LEPR: variants seen among roughly 807,000 people sequenced by gnomAD.
LEPR encodes the protein OB receptor.
In LEPR, 56 loss-of-function variants were observed where a neutral mutation model predicts 114.7. That is an observed-to-expected ratio of 0.49 (90% CI 0.39 to 0.61). The LOEUF (loss-of-function observed/expected upper bound fraction) is 0.61. LEPR is among the 20% of genes least tolerant of loss of function. The pLI, the probability that LEPR is intolerant of heterozygous loss-of-function variation, is 0.00. For synonymous variants in LEPR, 443 were observed against 461.4 expected (o/e 0.96, Z 0.51); for missense variants, 1,202 against 1,352.9 (o/e 0.89, Z 1.75).
At chr1:65,626,086 G>C (rs766235086) in intron 19 of LEPR, 7 of 1,598,302 alleles carry the variant, frequency 4.4e-6, no homozygotes, top group Non-Finnish European at 6.0e-6. Context: ...GCAAAATGCA[G>C]TTTAAACCTG....
At chr1:65,504,518 T>C (rs550541184) in intron 2 of LEPR, among the ~76,000 whole-genome samples, 5 of 152,306 alleles carry the variant, frequency 3.3e-5, no homozygotes, top group Admixed American at 1.3e-4. Flanking sequence ...AACATCACAC[T>C]GCAATCCTGA....
At chr1:65,531,780 C>T (rs1297719097) in intron 2 of LEPR, among the ~76,000 whole-genome samples, 1 of 152,148 alleles carries the variant, frequency 6.6e-6, no homozygotes, top group Non-Finnish European at 1.5e-5. Context: ...CTTCTTCCCT[C>T]ACCCATCACT....
intron 5 of LEPR, chr1:65,576,290 C>T (rs1320280145): frequency 1.3e-5 from 2 of 153,200 alleles, no homozygotes; most frequent in African/African-American, 4.9e-5. Flanking sequence ...CCATGGCACT[C>T]CACGAGTTGT....
Position 65,610,226 on chromosome 1 carries a change from G to T in LEPR, c.1925G>T (p.Gly642Val). ...TGTCATTTTGCAGTTCCTATGAGAG[G>T]ACCTGAATTTTGGAGAATAATTAAT... is the stretch of plus-strand genomic sequence containing the variant. ...VVMDIKVPMR[G>V]PEFWRIINGD... The change falls in exon 14 of 20, where the codon GGA becomes GTA. Residue 642 changes from glycine to valine, a missense_variant. Coordinates refer to ENST00000349533, the MANE Select transcript of LEPR (RefSeq NM_002303.6). 6.2e-7 allele frequency: 1 copy of T among 1,613,934 alleles called. No homozygotes were observed. Among genetic ancestry groups the T allele is most frequent in the African/African-American group, 1.3e-5 (1 of 75,006 alleles).
chr1:65,611,704 A>G (rs911997328), intron 14 of LEPR, among the ~76,000 whole-genome samples: 2 of 152,174 alleles, frequency 1.3e-5, no homozygotes, highest in African/African-American at 4.8e-5. Flanking sequence ...TGGATTCCAC[A>G]TTTCCTCAGC....
intron 2 of LEPR, chr1:65,433,193 C>G (rs1646512143): frequency 1.0e-6 from 1 of 985,308 alleles, no homozygotes. Context: ...CTCAACAGTT[C>G]TGGTTTGCCC....
intron 8 of LEPR, 100 bp downstream of exon 8, chr1:65,598,904 AAGG>A: frequency 6.5e-7 from 1 of 1,545,774 alleles, no homozygotes; most frequent in South Asian, 1.2e-5. Flanking sequence ...CTTAAAATGA[AAGG>A]AGGAACACAG....
intron 2 of LEPR, among the ~76,000 whole-genome samples, chr1:65,427,043 G>A (rs1049573961): frequency 1.3e-5 from 2 of 151,866 alleles, no homozygotes; most frequent in Admixed American, 6.5e-5. Context: ...ACCTATTGAA[G>A]TGAGTTATTA....
intron 19 of LEPR, chr1:65,634,766 G>T (rs1658656224): frequency 1.1e-6 from 1 of 918,560 alleles, no homozygotes; most frequent in Non-Finnish European, 1.3e-6. Context: ...TTAATATGTA[G>T]GTTCATTTAA....
rs1187502644 is a variant in LEPR, at chr1:65,558,526, G to GTTTTT, written c.-20-7013_-20-7009dup. Reference sequence around the variant, plus strand: ...GTTTTTTTTTTTTTTTGAATCAGAAGTTTTTTTTTTTGTTTTTTTTTTGTT... The same window carrying GTTTTT: ...GTTTTTTTTTTTTTTTGAATCAGAAGTTTTTTTTTTTTTTTTGTTTTTTTTTTGTT... On this transcript the variant is annotated intron_variant, in intron 2 of 19. Transcript: ENST00000349533. 1.2e-3 allele frequency among the ~76,000 whole-genome samples: 9 copies of GTTTTT among 7,750 alleles called. 1 individual carries two copies. Among genetic ancestry groups the GTTTTT allele is most frequent in the South Asian group, 0.015 (2 of 130 alleles). 5.1% of individuals were successfully genotyped at this position (7,750 alleles called of 152,430 possible). A position where few individuals can be genotyped will look rare whatever the true frequency, so the allele number is the denominator to read the frequency against.
intron 2 of LEPR, among the ~76,000 whole-genome samples, chr1:65,536,631 C>T (rs1224076587): frequency 6.6e-6 from 1 of 151,920 alleles, no homozygotes; most frequent in African/African-American, 2.4e-5. Context: ...ATGCCATTCT[C>T]ATAAGGAAAG....
At position 65,440,359 on chromosome 1, in the gene LEPR, C is replaced by CTTT. The variant is rs538956174; in HGVS notation, c.-21+14992_-21+14994dup. ...AAACCCCCAGCCCCCATGGTGCTTA[C>CTTT]TTTTTTTTTTTTTGGTAGGGAAGCA... is the stretch of plus-strand genomic sequence containing the variant. On this transcript the variant is annotated intron_variant, in intron 2 of 19. Transcript: ENST00000349533. Among the ~76,000 whole-genome samples the CTTT allele has an allele frequency of 4.9e-5, 7 of 142,596 alleles. 1 individual carries two copies. Among genetic ancestry groups the CTTT allele is most frequent in the African/African-American group, 5.1e-5 (2 of 39,120 alleles). The allele number at this position is 142,596 out of a possible 152,430, so 93.5% of individuals were successfully genotyped here. A position where few individuals can be genotyped will look rare whatever the true frequency, so the allele number is the denominator to read the frequency against.
chr1:65,536,251 C>G (rs907059611), intron 2 of LEPR, among the ~76,000 whole-genome samples: 3 of 152,028 alleles, frequency 2.0e-5, no homozygotes, highest in Non-Finnish European at 2.9e-5. Flanking sequence ...GCTTGTCCCT[C>G]CTCTCTCTTG....
intron 2 of LEPR, among the ~76,000 whole-genome samples, chr1:65,478,671 A>G (rs1263014302): frequency 6.6e-6 from 1 of 152,238 alleles, no homozygotes; most frequent in Non-Finnish European, 1.5e-5. Flanking sequence ...AAAACAGCTC[A>G]GTTGTATGGA....
chr1:65,570,368 T>A (rs1473452560), intron 3 of LEPR, 105 bp from the exon 4 acceptor site: 22 of 1,117,890 alleles, frequency 2.0e-5, no homozygotes, highest in Non-Finnish European at 2.8e-5. Flanking sequence ...ACTTAGAAAG[T>A]TAAATAATTA....
chr1:65,626,717 A>G lies in LEPR; in HGVS notation c.2673+3736A>G, dbSNP rs566137257. Among the ~76,000 whole-genome samples the G allele has an allele frequency of 3.3e-5, 5 of 152,234 alleles. No homozygotes were observed. In the South Asian group the frequency reaches 8.3e-4, roughly 25 times the overall value. ...GAGCGCAGCGGTGAGATCTCAGCTC[A>G]CTGCAGCCTCGACGTCCTTGGGCTC... On this transcript the variant is annotated intron_variant, in intron 19 of 19. Transcript: ENST00000349533.
chr1:65,543,661 G>T (rs1651412612), intron 2 of LEPR, among the ~76,000 whole-genome samples: 1 of 151,892 alleles, frequency 6.6e-6, no homozygotes, highest in East Asian at 1.9e-4. Context: ...TGTAAAGAAG[G>T]GGTCCAGTCT....
chr1:65,458,024 A>G lies in LEPR; in HGVS notation c.-21+32646A>G, dbSNP rs535412592. Among the ~76,000 whole-genome samples the G allele has an allele frequency of 1.3e-4, 20 of 152,322 alleles. No homozygotes were observed. In the South Asian group the frequency reaches 1.7e-3, roughly 13 times the overall value. On this transcript the variant is annotated intron_variant, in intron 2 of 19. Transcript: ENST00000349533. ...CAAAGTTGAGGCCTATAAAACTTAC[A>G]TGGCAAGCAATTTGAAATGTGCCAA...
chr1:65,631,770 T>C (rs1658533882), intron 19 of LEPR, among the ~76,000 whole-genome samples: 2 of 152,158 alleles, frequency 1.3e-5, no homozygotes, highest in South Asian at 4.1e-4. Flanking sequence ...AATTTTAGAG[T>C]GTAAAAGAAC....
Sources: allele counts gnomAD v4.1 joint callset (sites outside exome capture counted in the v4.1 genomes callset), GRCh38; gene constraint gnomAD v4.1.1; transcripts MANE v1.5; gene names NCBI Gene and HGNC (gene_info 2026-07-23, HGNC 2026-07-21).